KLHL1: variants seen among roughly 807,000 people sequenced by gnomAD.
The protein encoded by KLHL1 is kelch like family member 1.
A neutral mutation model predicts 77.7 loss-of-function variants in KLHL1; 47 were observed. The observed-to-expected ratio is 0.60, with a 90% CI of 0.48 to 0.77. The LOEUF (loss-of-function observed/expected upper bound fraction) is 0.77, where lower values mean the gene tolerates loss of function less well. Ranked by LOEUF, KLHL1 falls within the 30% of genes least tolerant of loss-of-function variation. The probability of loss-of-function intolerance (pLI) is 0.00; values close to 1 mark genes in which losing one functional copy is unlikely to be tolerated. For missense variants in KLHL1, 925 were observed against 910.8 expected (o/e 1.02, Z -0.20); for synonymous variants, 360 against 325.2 (o/e 1.11, Z -1.15).
chr13:69,809,636 C>T (rs1196771751), intron 6 of KLHL1, among the ~76,000 whole-genome samples: 1 of 152,070 alleles, frequency 6.6e-6, no homozygotes, highest in Non-Finnish European at 1.5e-5. Context: ...AGCAACTACA[C>T]AACTGAGACT....
chr13:69,744,756 A>T (rs1874136155), intron 7 of KLHL1, among the ~76,000 whole-genome samples: 1 of 151,942 alleles, frequency 6.6e-6, no homozygotes, highest in African/African-American at 2.4e-5. Flanking sequence ...AATTTAAAAA[A>T]TTATTTAAAG....
chr13:69,733,538 TAGAAAC>T (rs1873639821), intron 8 of KLHL1, among the ~76,000 whole-genome samples: 1 of 151,908 alleles, frequency 6.6e-6, no homozygotes, highest in African/African-American at 2.4e-5. Context: ...CACACAGAAA[TAGAAAC>T]AGAGAAAATT....
At chr13:69,903,630 CTTTTTTTTTTTTTT>C (rs35761520) in intron 4 of KLHL1, among the ~76,000 whole-genome samples, 15 of 50,202 alleles carry the variant, frequency 3.0e-4, no homozygotes, top group African/African-American at 1.2e-3. Context: ...TGTTCACATT[CTTTTTTTTTTTTTT>C]TTTTTTTTTT....
At chr13:69,991,392 GACAACAACA>G (rs952815552) in intron 1 of KLHL1, among the ~76,000 whole-genome samples, 1 of 150,724 alleles carries the variant, frequency 6.6e-6, no homozygotes, top group African/African-American at 2.4e-5. Context: ...CAACAACAAT[GACAACAACA>G]ACAACAACAA....
intron 4 of KLHL1, among the ~76,000 whole-genome samples, chr13:69,930,655 T>A (rs1254400355): frequency 6.6e-6 from 1 of 151,798 alleles, no homozygotes; most frequent in Non-Finnish European, 1.5e-5. Flanking sequence ...TTATATATTA[T>A]TTACGCTTTT....
chr13:69,734,132 C>G lies in KLHL1; in HGVS notation c.1802+6262G>C, dbSNP rs190582636. The stretch of plus-strand genomic sequence containing the variant: ...CAGATTTCTCATGAATGGTTTAGCA[C>G]TATCCCTCTTGGTACTGTCCTTACA... On this transcript the variant is annotated intron_variant, in intron 8 of 10. Transcript: ENST00000377844. Among the ~76,000 whole-genome samples the G allele has an allele frequency of 1.5e-3, 228 of 152,244 alleles. 6 individuals are homozygous for G. Among genetic ancestry groups the G allele is most frequent in the Admixed American group, 0.013 (203 of 15,298 alleles).
intron 6 of KLHL1, among the ~76,000 whole-genome samples, chr13:69,799,382 A>C (rs1446196530): frequency 1.3e-5 from 2 of 152,216 alleles, no homozygotes; most frequent in African/African-American, 2.4e-5. Context: ...GCAATTCAAA[A>C]AGGAAAAGTC....
At chr13:69,892,792 G>A (rs1593923637) in intron 4 of KLHL1, among the ~76,000 whole-genome samples, 1 of 152,094 alleles carries the variant, frequency 6.6e-6, no homozygotes, top group African/African-American at 2.4e-5. Context: ...CAGTACAGAA[G>A]TTACTTACAT....
chr13:69,905,436 T>C (rs995041809), intron 4 of KLHL1, among the ~76,000 whole-genome samples: 2 of 152,098 alleles, frequency 1.3e-5, no homozygotes, highest in Admixed American at 6.5e-5. Context: ...ATATCCCTTA[T>C]AGTTACTAAT....
intron 7 of KLHL1, among the ~76,000 whole-genome samples, chr13:69,778,241 G>T: frequency 6.6e-6 from 1 of 152,032 alleles, no homozygotes; most frequent in East Asian, 1.9e-4. Context: ...TATAATCTAC[G>T]ATGTCCTTGG....
chr13:70,017,094 T>G (rs570729169), intron 1 of KLHL1, among the ~76,000 whole-genome samples: 39 of 152,206 alleles, frequency 2.6e-4, no homozygotes, highest in South Asian at 2.1e-4. Flanking sequence ...TTCTCCACTT[T>G]GCTCACCCTC....
chr13:69,990,758 G>T (rs1885008744), intron 1 of KLHL1, among the ~76,000 whole-genome samples: 1 of 151,876 alleles, frequency 6.6e-6, no homozygotes, highest in Non-Finnish European at 1.5e-5. Context: ...TGAGGCAGAA[G>T]ATGAACAAAG....
At chr13:69,905,266 A>G (rs916080637) in intron 4 of KLHL1, among the ~76,000 whole-genome samples, 2 of 152,122 alleles carry the variant, frequency 1.3e-5, no homozygotes, top group Non-Finnish European at 2.9e-5. Flanking sequence ...CGATGCTGAT[A>G]ATATAGAAGT....
At chr13:70,042,659 C>A (rs747602151) in intron 1 of KLHL1, among the ~76,000 whole-genome samples, 3 of 152,078 alleles carry the variant, frequency 2.0e-5, no homozygotes, top group Non-Finnish European at 4.4e-5. Flanking sequence ...TAATCAATGA[C>A]TATGTCACTA....
chr13:70,027,231 C>T (rs1885971500), intron 1 of KLHL1, among the ~76,000 whole-genome samples: 1 of 151,930 alleles, frequency 6.6e-6, no homozygotes, highest in African/African-American at 2.4e-5. Context: ...ATTAATTCTC[C>T]TTTACAAACA....
intron 7 of KLHL1, among the ~76,000 whole-genome samples, chr13:69,751,047 T>C (rs1358871203): frequency 6.6e-6 from 1 of 151,810 alleles, no homozygotes; most frequent in African/African-American, 2.4e-5. Context: ...CATTGCAGAA[T>C]GTCCCCAACC....
intron 1 of KLHL1, among the ~76,000 whole-genome samples, chr13:70,010,953 C>T (rs745608118): frequency 6.6e-6 from 1 of 151,274 alleles, no homozygotes; most frequent in Non-Finnish European, 1.5e-5. Flanking sequence ...TCAGTAGACA[C>T]CCAAATGGAG....
In KLHL1 at chr13:69,961,348, G is replaced by T. The variant is rs1467438184; in HGVS notation, c.777C>A (p.Asp259Glu). ...GGACAAGGTCCCAGAGAGCATTGGG[G>T]TCTATGCCTTCCATTTTGATCTCCT... ...KQEEIKMEGIDPNALWDLVQF... is the reference protein window; with the variant it reads ...KQEEIKMEGIEPNALWDLVQF... Residue 259 changes from aspartate to glutamate, a missense_variant, in exon 3 of 11, where the codon GAC (aspartate) becomes GAA (glutamate). Asp to Glu is a conservative substitution (Grantham distance 45). Transcript: ENST00000377844. The T allele has an allele frequency of 1.2e-6, 2 of 1,612,836 alleles. No individual in the cohort carries two copies. The highest frequency in any genetic ancestry group is 4.5e-5 in the East Asian group (2 of 44,816).
intron 7 of KLHL1, among the ~76,000 whole-genome samples, chr13:69,756,972 A>C (rs73210481): frequency 0.24 from 36,092 of 152,002 alleles, 4,331 homozygotes; most frequent in South Asian, 0.31. Flanking sequence ...AACAAAAAAA[A>C]CTCCAGTTAT....
Sources: allele counts gnomAD v4.1 joint callset (sites outside exome capture counted in the v4.1 genomes callset), GRCh38; gene constraint gnomAD v4.1.1; transcripts MANE v1.5; gene names NCBI Gene and HGNC (gene_info 2026-07-23, HGNC 2026-07-21).